The following RNFT2 variants were observed in gnomAD, a reference collection of about 807,000 sequenced individuals.
RNFT2 encodes the protein E3 ubiquitin-protein ligase RNFT2.
RNFT2 carries 36 observed loss-of-function variants against 53.0 expected under a neutral mutation model. That is an observed-to-expected ratio of 0.68 (90% CI 0.52 to 0.90). RNFT2 has a LOEUF of 0.90. Ranked by LOEUF, RNFT2 falls within the 40% of genes least tolerant of loss-of-function variation. RNFT2 has a pLI of 0.00. For synonymous variants in RNFT2, 260 were observed against 253.2 expected (o/e 1.03, Z -0.26); for missense variants, 514 against 585.6 (o/e 0.88, Z 1.26).
rs146059966 is a variant in RNFT2, at chr12:116,774,613, C to G, written c.729-4582C>G. Among the ~76,000 whole-genome samples, 5 of 152,254 alleles carry G rather than the reference C, an allele frequency of 3.3e-5. No individual in the cohort carries two copies. In the East Asian group the frequency reaches 9.6e-4, roughly 29 times the overall value. On this transcript the variant is annotated intron_variant, in intron 6 of 10. Coordinates refer to ENST00000257575, the MANE Select transcript of RNFT2 (RefSeq NM_001382266.1). ...AGGGATGAAACTCAAGTCAGCCTTTCAGATCACATCCATCTGTTTTGAAAA... is the reference window on the plus strand; with the variant it reads ...AGGGATGAAACTCAAGTCAGCCTTTGAGATCACATCCATCTGTTTTGAAAA...
At chr12:116,811,539 C>A (rs1411121671) in intron 7 of RNFT2, among the ~76,000 whole-genome samples, 1 of 152,122 alleles carries the variant, frequency 6.6e-6, no homozygotes, top group Non-Finnish European at 1.5e-5. Flanking sequence ...CCACACCTGG[C>A]TAATTTTTGT....
chr12:116,819,684 T>C (rs1360868816), intron 7 of RNFT2, among the ~76,000 whole-genome samples: 1 of 152,210 alleles, frequency 6.6e-6, no homozygotes, highest in Non-Finnish European at 1.5e-5. Flanking sequence ...TGGCCCCGCC[T>C]CCTACCTGCT....
At chr12:116,783,841 CT>C (rs1378853557) in intron 7 of RNFT2, among the ~76,000 whole-genome samples, 1 of 152,226 alleles carries the variant, frequency 6.6e-6, no homozygotes, top group Non-Finnish European at 1.5e-5. Flanking sequence ...ATTTTTCTGC[CT>C]GTTCTAGTTA....
At chr12:116,816,458 TC>T in intron 7 of RNFT2, among the ~76,000 whole-genome samples, 1 of 151,952 alleles carries the variant, frequency 6.6e-6, no homozygotes, top group South Asian at 2.1e-4. Flanking sequence ...GGCCTCCTCC[TC>T]CCCCTCCTCG....
At chr12:116,800,706 C>A (rs1565864132) in intron 7 of RNFT2, among the ~76,000 whole-genome samples, 1 of 151,546 alleles carries the variant, frequency 6.6e-6, no homozygotes, top group African/African-American at 2.4e-5. Flanking sequence ...CCCAGCTACT[C>A]AGGGGGCTGA....
At chr12:116,801,843 A>G (rs1874811989) in intron 7 of RNFT2, among the ~76,000 whole-genome samples, 1 of 150,530 alleles carries the variant, frequency 6.6e-6, no homozygotes, top group East Asian at 1.9e-4. Flanking sequence ...TTTTTTTGAG[A>G]CAGAGTCTCA....
At chr12:116,771,872 C>T (rs931914412) in intron 6 of RNFT2, among the ~76,000 whole-genome samples, 14 of 152,296 alleles carry the variant, frequency 9.2e-5, no homozygotes, top group African/African-American at 3.1e-4. Context: ...TCTTTTGAAA[C>T]GAGACGCTTC....
Position 116,823,322 on chromosome 12 carries a change from G to C in RNFT2, c.883-10470G>C, listed in dbSNP as rs1296178545. Among the ~76,000 whole-genome samples, 3 of 152,160 alleles carry C rather than the reference G, an allele frequency of 2.0e-5. No individual in the cohort carries two copies. In the East Asian group the frequency reaches 5.8e-4, roughly 29 times the overall value. On this transcript the variant is annotated intron_variant, in intron 7 of 10. Transcript: ENST00000257575. ...TGCCCAAAGTCACACAGATACAGAG[G>C]ATGCGCACCTAGCTACCTGACTTCA...
intron 7 of RNFT2, among the ~76,000 whole-genome samples, chr12:116,789,716 G>T (rs1874134393): frequency 6.8e-6 from 1 of 147,664 alleles, no homozygotes; most frequent in Non-Finnish European, 1.5e-5. Context: ...ATAAATGGGA[G>T]AAGAGTAGAT....
Position 116,849,512 on chromosome 12 carries a change from G to A in RNFT2, c.*64G>A. 2 of 1,500,316 alleles carry A rather than the reference G, an allele frequency of 1.3e-6. No homozygotes were observed. The highest frequency in any genetic ancestry group is 2.5e-5 in the South Asian group (2 of 78,624). The allele number at this position is 1,500,316 out of a possible 1,614,324, so 92.9% of individuals were successfully genotyped here. A position where few individuals can be genotyped will look rare whatever the true frequency, so the allele number is the denominator to read the frequency against. ...CAGCATGCCCGGACCCAGCCCTGCGGGGGCTTCCTGAGAAACAGGCCTCAA... is the reference window on the plus strand; with the variant it reads ...CAGCATGCCCGGACCCAGCCCTGCGAGGGCTTCCTGAGAAACAGGCCTCAA... On this transcript the variant is annotated 3_prime_UTR_variant, in exon 11 of 11. Coordinates refer to ENST00000257575, the MANE Select transcript of RNFT2 (RefSeq NM_001382266.1).
chr12:116,784,652 C>T (rs554151437), intron 7 of RNFT2, among the ~76,000 whole-genome samples: 70 of 152,280 alleles, frequency 4.6e-4, no homozygotes, highest in Middle Eastern at 3.4e-3. Context: ...TCCCTCCACC[C>T]CACTGTTCAC....
In RNFT2 at chr12:116,850,623, T is replaced by TA. The variant is rs1565878710; in HGVS notation, c.*1175_*1176insA. ...GAAGTATTTTTTCTTTTCTTTTCTT[T>TA]TTTTTTTTTTTTTTGTTGTTGTGAG... On this transcript the variant is annotated 3_prime_UTR_variant, in exon 11 of 11. Coordinates refer to ENST00000257575, the MANE Select transcript of RNFT2 (RefSeq NM_001382266.1). The TA allele has an allele frequency of 7.5e-6, 1 of 133,364 alleles. No homozygotes were observed. Among genetic ancestry groups the TA allele is most frequent in the African/African-American group, 3.0e-5 (1 of 33,166 alleles). 8.3% of individuals were successfully genotyped at this position (133,364 alleles called of 1,614,324 possible).
intron 7 of RNFT2, among the ~76,000 whole-genome samples, chr12:116,785,648 T>G (rs1873903426): frequency 1.3e-5 from 2 of 152,180 alleles, no homozygotes; most frequent in Admixed American, 1.3e-4. Flanking sequence ...GGCCCAGCAC[T>G]GGGCACTGGG....
intron 7 of RNFT2, among the ~76,000 whole-genome samples, chr12:116,791,518 C>T (rs936324850): frequency 1.3e-5 from 2 of 152,164 alleles, no homozygotes; most frequent in African/African-American, 4.8e-5. Flanking sequence ...CCATGTAGGC[C>T]AGCCTGGTCT....
chr12:116,780,152 C>A (rs1873625170), intron 7 of RNFT2, among the ~76,000 whole-genome samples: 1 of 152,144 alleles, frequency 6.6e-6, no homozygotes, highest in South Asian at 2.1e-4. Context: ...GGTAACTAAC[C>A]CAACCCATAA....
intron 7 of RNFT2, among the ~76,000 whole-genome samples, chr12:116,804,074 G>T (rs1158463766): frequency 6.6e-6 from 1 of 152,170 alleles, no homozygotes; most frequent in African/African-American, 2.4e-5. Context: ...TTCCCTAGAC[G>T]TTACCACTGG....
chr12:116,836,094 T>G, intron 9 of RNFT2, 69 bp downstream of exon 9: 1 of 1,604,954 alleles, frequency 6.2e-7, no homozygotes, highest in Non-Finnish European at 8.5e-7. Flanking sequence ...AGCGACCCCT[T>G]CCTCAGCCCA....
At chr12:116,798,817 C>T (rs1874630944) in intron 7 of RNFT2, among the ~76,000 whole-genome samples, 1 of 151,638 alleles carries the variant, frequency 6.6e-6, no homozygotes, top group Non-Finnish European at 1.5e-5. Context: ...CTCAAGCGAT[C>T]TACCTGCCTC....
At chr12:116,785,596 T>G (rs1386464928) in intron 7 of RNFT2, among the ~76,000 whole-genome samples, 2 of 152,174 alleles carry the variant, frequency 1.3e-5, no homozygotes, top group East Asian at 3.8e-4. Context: ...CTCCTCACTA[T>G]TTGAAAAGTC....
Sources: gnomAD v4.1 joint callset for allele counts (sites outside exome capture counted in the v4.1 genomes callset) on GRCh38, gnomAD v4.1.1 for gene constraint, MANE v1.5 for transcripts, NCBI Gene and HGNC (gene_info 2026-07-23, HGNC 2026-07-21) for gene names.